XKR4: variants seen among roughly 807,000 people sequenced by gnomAD.
The protein encoded by XKR4 is XK related 4, also known as XK-related protein 4.
In XKR4, 12 loss-of-function variants were observed where a neutral mutation model predicts 53.9. The observed-to-expected ratio is 0.22, with a 90% CI of 0.14 to 0.36. The LOEUF (loss-of-function observed/expected upper bound fraction) is 0.36. Among genes scored for constraint, XKR4 ranks in the 10% least tolerant of loss-of-function variants. The probability of loss-of-function intolerance (pLI) is 1.00; values close to 1 mark genes in which losing one functional copy is unlikely to be tolerated. For synonymous variants in XKR4, 354 were observed against 362.4 expected (o/e 0.98, Z 0.26); for missense variants, 799 against 859.5 (o/e 0.93, Z 0.88).
At chr8:55,451,004 C>CT in intron 2 of XKR4, 1 of 537,896 alleles carries the variant, frequency 1.9e-6, no homozygotes. Flanking sequence ...CCTTCAGCAG[C>CT]TTTTTGAAGC....
intron 2 of XKR4, among the ~76,000 whole-genome samples, chr8:55,361,429 C>A (rs1803907370): frequency 6.6e-6 from 1 of 152,020 alleles, no homozygotes; most frequent in African/African-American, 2.4e-5. Context: ...AGTGAGGGTG[C>A]CAAAGATGCT....
chr8:55,223,788 G>A (rs886960714), intron 1 of XKR4, among the ~76,000 whole-genome samples: 5 of 152,092 alleles, frequency 3.3e-5, no homozygotes, highest in Non-Finnish European at 5.9e-5. Context: ...GTTACCTTTC[G>A]CCGGAGGGCA....
intron 2 of XKR4, among the ~76,000 whole-genome samples, chr8:55,447,469 A>T (rs183706657): frequency 4.0e-4 from 61 of 152,224 alleles, no homozygotes; most frequent in Non-Finnish European, 6.9e-4. Flanking sequence ...GAAAGGAAAG[A>T]CCCCACATAA....
At chr8:55,130,714 G>A (rs1563463916) in intron 1 of XKR4, among the ~76,000 whole-genome samples, 2 of 152,104 alleles carry the variant, frequency 1.3e-5, no homozygotes, top group Admixed American at 1.3e-4. Context: ...TCTATGAGGG[G>A]GTTCATGTAA....
At chr8:55,285,799 T>C (rs1818900265) in intron 1 of XKR4, among the ~76,000 whole-genome samples, 1 of 152,162 alleles carries the variant, frequency 6.6e-6, no homozygotes, top group Non-Finnish European at 1.5e-5. Context: ...TATGGGCCCA[T>C]AGGGGCAACT....
chr8:55,146,228 G>A (rs527247393), intron 1 of XKR4, among the ~76,000 whole-genome samples: 17 of 152,244 alleles, frequency 1.1e-4, no homozygotes, highest in Admixed American at 3.3e-4. Flanking sequence ...AAGAAAAGCC[G>A]AGACTGCCTG....
intron 1 of XKR4, among the ~76,000 whole-genome samples, chr8:55,252,520 C>T (rs990605798): frequency 2.6e-5 from 4 of 152,128 alleles, no homozygotes; most frequent in African/African-American, 7.2e-5. Flanking sequence ...AGACGCCGCC[C>T]GACCTTGATT....
intron 2 of XKR4, among the ~76,000 whole-genome samples, chr8:55,502,595 T>A (rs1408799801): frequency 7.3e-6 from 1 of 136,556 alleles, no homozygotes; most frequent in East Asian, 1.9e-4. Flanking sequence ...GGGGAGGTTG[T>A]TATTGAGTTA....
intron 1 of XKR4, among the ~76,000 whole-genome samples, chr8:55,113,833 CT>C (rs1243147152): frequency 1.3e-5 from 2 of 152,086 alleles, no homozygotes; most frequent in Non-Finnish European, 2.9e-5. Flanking sequence ...TGTTTTTTGA[CT>C]TTCTGTTTAT....
chr8:55,450,045 A>G, intron 2 of XKR4: 1 of 777,676 alleles, frequency 1.3e-6, no homozygotes, highest in Non-Finnish European at 2.3e-6. Flanking sequence ...TAGGGGTGCC[A>G]CGTCCATCTG....
chr8:55,480,581 G>T (rs1563362752), intron 2 of XKR4, among the ~76,000 whole-genome samples: 1 of 151,960 alleles, frequency 6.6e-6, no homozygotes, highest in South Asian at 2.1e-4. Context: ...GAAATAAAGG[G>T]TATTCAATTA....
At chr8:55,367,283 G>C (rs571631026) in intron 2 of XKR4, among the ~76,000 whole-genome samples, 91 of 152,218 alleles carry the variant, frequency 6.0e-4, no homozygotes, top group Non-Finnish European at 1.1e-3. Context: ...TGTTGTGCTT[G>C]TGAGATATGA....
chr8:55,298,632 G>A (rs909874861), intron 1 of XKR4, among the ~76,000 whole-genome samples: 1 of 152,086 alleles, frequency 6.6e-6, no homozygotes, highest in African/African-American at 2.4e-5. Context: ...TTCCCACCAG[G>A]CCCCATCTCC....
intron 2 of XKR4, among the ~76,000 whole-genome samples, chr8:55,375,715 T>C (rs80347678): frequency 1.5e-5 from 1 of 66,690 alleles, no homozygotes; most frequent in South Asian, 4.3e-4. Flanking sequence ...TTCTTCTTTT[T>C]CTTTTTTTTT....
At chr8:55,507,958 C>T (rs1321363461) in intron 2 of XKR4, among the ~76,000 whole-genome samples, 2 of 152,118 alleles carry the variant, frequency 1.3e-5, no homozygotes, top group Non-Finnish European at 2.9e-5. Flanking sequence ...AGTTTACAGT[C>T]CCACCAACAG....
intron 1 of XKR4, among the ~76,000 whole-genome samples, chr8:55,137,466 A>C (rs1273459264): frequency 6.6e-6 from 1 of 152,122 alleles, no homozygotes; most frequent in African/African-American, 2.4e-5. Flanking sequence ...AGGGATTATT[A>C]TATAATTGGA....
chr8:55,331,628 G>T (rs1167007195), intron 1 of XKR4, among the ~76,000 whole-genome samples: 1 of 152,124 alleles, frequency 6.6e-6, no homozygotes, highest in Non-Finnish European at 1.5e-5. Flanking sequence ...GAAGTCTGAT[G>T]CTTGAGGCAT....
At chr8:55,445,810 T>TA (rs749693158) in intron 2 of XKR4, among the ~76,000 whole-genome samples, 1 of 152,168 alleles carries the variant, frequency 6.6e-6, no homozygotes, top group Non-Finnish European at 1.5e-5. Flanking sequence ...GTTACCACAG[T>TA]AAGAGTAGCA....
chr8:55,346,621 C>A (rs2129382938), intron 1 of XKR4, among the ~76,000 whole-genome samples: 1 of 151,680 alleles, frequency 6.6e-6, no homozygotes, highest in South Asian at 2.1e-4. Flanking sequence ...TTAGCTTACC[C>A]ATCTTAGGAT....
Sources: gnomAD v4.1 joint callset for allele counts (sites outside exome capture counted in the v4.1 genomes callset) on GRCh38, gnomAD v4.1.1 for gene constraint, MANE v1.5 for transcripts, NCBI Gene and HGNC (gene_info 2026-07-23, HGNC 2026-07-21) for gene names.